PCDHA2: variants seen among roughly 807,000 people sequenced by gnomAD.
The protein encoded by PCDHA2 is protocadherin alpha 2, also known as protocadherin alpha-2.
A neutral mutation model predicts 66.0 loss-of-function variants in PCDHA2; 58 were observed. That is an observed-to-expected ratio of 0.88 (90% CI 0.71 to 1.09). The LOEUF is 1.09. Ranked by LOEUF, PCDHA2 falls within the 50% of genes least tolerant of loss-of-function variation. PCDHA2 has a pLI of 0.00. For synonymous variants in PCDHA2, 634 were observed against 554.0 expected (o/e 1.14, Z -2.03); for missense variants, 1,267 against 1,242.3 (o/e 1.02, Z -0.30).
intron 1 of PCDHA2, among the ~76,000 whole-genome samples, chr5:140,896,328 A>G (rs1157543991): frequency 6.6e-6 from 1 of 152,138 alleles, no homozygotes; most frequent in Non-Finnish European, 1.5e-5. Flanking sequence ...CACAGTGGCT[A>G]AACTAATTTA....
At chr5:140,801,365 G>A in intron 1 of PCDHA2, 1 of 1,613,478 alleles carries the variant, frequency 6.2e-7, no homozygotes, top group African/African-American at 1.3e-5. Flanking sequence ...GGCTGGAGCT[G>A]GCGGAGCTGG....
intron 1 of PCDHA2, chr5:140,859,719 T>C (rs1562546995): frequency 6.5e-6 from 1 of 154,108 alleles, no homozygotes; most frequent in Non-Finnish European, 1.4e-5. Flanking sequence ...CAAAAAAAAA[T>C]TGTGGCAAGA....
In PCDHA2 at chr5:140,838,709, G is replaced by A. The variant is rs2150291711; in HGVS notation, c.2388+41357G>A. 7.4e-3 allele frequency among the ~76,000 whole-genome samples: 1,129 copies of A among 152,134 alleles called. 12 individuals carry two copies. The highest frequency in any genetic ancestry group is 0.014 in the Admixed American group (208 of 15,280). On this transcript the variant is annotated intron_variant, in intron 1 of 3. Transcript: ENST00000526136. ...CCAACATTTCGGGAGGCCGAGGCAG[G>A]AGGATTGCTTCAGTCTAGTAGTTTG...
chr5:140,988,445 A>G (rs1554250148), intron 3 of PCDHA2, among the ~76,000 whole-genome samples: 2 of 152,168 alleles, frequency 1.3e-5, no homozygotes, highest in African/African-American at 2.4e-5. Context: ...ATTGACCTGA[A>G]GGGAGGAAGC....
At chr5:141,009,389 G>A (rs1234679148) in intron 3 of PCDHA2, among the ~76,000 whole-genome samples, 1 of 152,178 alleles carries the variant, frequency 6.6e-6, no homozygotes, top group Non-Finnish European at 1.5e-5. Context: ...AGCACAGGAG[G>A]TCGAGGCTGC....
intron 1 of PCDHA2, among the ~76,000 whole-genome samples, chr5:140,896,201 C>G (rs1583224545): frequency 6.6e-6 from 1 of 152,344 alleles, no homozygotes; most frequent in African/African-American, 2.4e-5. Context: ...CCATGATGAA[C>G]ATACACATAC....
intron 1 of PCDHA2, chr5:140,807,894 A>G (rs781785947): frequency 7.4e-6 from 12 of 1,614,012 alleles, no homozygotes; most frequent in Non-Finnish European, 1.0e-5. Context: ...CTGGATGCCA[A>G]TGACAATGCC....
At chr5:140,884,536 G>A in intron 1 of PCDHA2, 11 of 1,614,090 alleles carry the variant, frequency 6.8e-6, no homozygotes, top group African/African-American at 1.3e-5. Context: ...AGAGGCGGCC[G>A]AGGGTGTGCT....
chr5:140,966,052 C>G (rs2095962967), intron 1 of PCDHA2, among the ~76,000 whole-genome samples: 1 of 152,158 alleles, frequency 6.6e-6, no homozygotes, highest in Admixed American at 6.5e-5. Context: ...GCCAGTAACC[C>G]CAGAGCGCCT....
chr5:140,816,757 T>TTG (rs2126674683), intron 1 of PCDHA2: 2 of 152,170 alleles, frequency 1.3e-5, no homozygotes, highest in Non-Finnish European at 2.9e-5. Context: ...TTCTATGGAC[T>TTG]TGTGTGTATA....
chr5:140,837,632 CCTTT>C (rs140175664), intron 1 of PCDHA2, among the ~76,000 whole-genome samples: 9,222 of 151,164 alleles, frequency 0.061, 992 homozygotes, highest in African/African-American at 0.21. Context: ...TTCCTTCCTT[CCTTT>C]CTTTCTTTCT....
At chr5:140,989,060 G>A (rs1233023153) in intron 3 of PCDHA2, 1 of 152,138 alleles carries the variant, frequency 6.6e-6, no homozygotes, top group Non-Finnish European at 1.5e-5. Context: ...CTACATTGAG[G>A]CAATACAGTC....
At chr5:140,950,548 G>T (rs1363394631) in intron 1 of PCDHA2, among the ~76,000 whole-genome samples, 2 of 151,990 alleles carry the variant, frequency 1.3e-5, no homozygotes, top group African/African-American at 4.8e-5. Context: ...TTGCATGGCT[G>T]GGGGGACACT....
In PCDHA2 at chr5:140,830,164, G is replaced by T. The variant is rs2150182305; in HGVS notation, c.2388+32812G>T. The T allele has an allele frequency of 2.7e-5, 44 of 1,613,426 alleles. 1 individual carries two copies. In the South Asian group the frequency reaches 4.6e-4, roughly 17 times the overall value. On this transcript the variant is annotated intron_variant, in intron 1 of 3. Coordinates refer to ENST00000526136, the MANE Select transcript of PCDHA2 (RefSeq NM_018905.3). ...CGGTGGGCGCCGCGGGCCCAGAGGC[G>T]GCGCTGGTGGATGTCAACGTGTACC...
At chr5:140,958,326 A>T (rs1440413634) in intron 1 of PCDHA2, among the ~76,000 whole-genome samples, 1 of 152,150 alleles carries the variant, frequency 6.6e-6, no homozygotes, top group Non-Finnish European at 1.5e-5. Flanking sequence ...CTCAAAAAAT[A>T]AATAAATCAC....
chr5:140,933,244 A>G (rs1218658347), intron 1 of PCDHA2, among the ~76,000 whole-genome samples: 3 of 152,038 alleles, frequency 2.0e-5, no homozygotes, highest in African/African-American at 4.8e-5. Context: ...AGAAAGGACT[A>G]TAAACACAAA....
At chr5:140,972,754 CCCAAG>C (rs1290105832) in intron 1 of PCDHA2, among the ~76,000 whole-genome samples, 1 of 151,316 alleles carries the variant, frequency 6.6e-6, no homozygotes, top group African/African-American at 2.4e-5. Context: ...ACCTCCGCCT[CCCAAG>C]TTAAAGTGAT....
chr5:140,968,869 C>T, intron 1 of PCDHA2: 1 of 1,614,210 alleles, frequency 6.2e-7, no homozygotes, highest in Non-Finnish European at 8.5e-7. Flanking sequence ...CTCGGACATA[C>T]TCTGAAATTA....
intron 1 of PCDHA2, chr5:140,929,324 T>C (rs781810168): frequency 1.2e-5 from 19 of 1,540,130 alleles, no homozygotes; most frequent in Non-Finnish European, 3.5e-6. Context: ...GTCAATGCCA[T>C]GGTAAGCAAA....
Sources: gnomAD v4.1 joint callset for allele counts (sites outside exome capture counted in the v4.1 genomes callset) on GRCh38, gnomAD v4.1.1 for gene constraint, MANE v1.5 for transcripts, NCBI Gene and HGNC (gene_info 2026-07-23, HGNC 2026-07-21) for gene names.